Variants in CCDC171 observed in about 807,000 individuals in gnomAD.
CCDC171 encodes the protein coiled-coil domain containing 171.
CCDC171 carries 177 observed loss-of-function variants against 168.2 expected under a neutral mutation model. The observed-to-expected ratio is 1.05, with a 90% CI of 0.93 to 1.19. The LOEUF is 1.19. CCDC171 is among the 50% of genes most tolerant of loss of function. The pLI, the probability that CCDC171 is intolerant of heterozygous loss-of-function variation, is 0.00. For synonymous variants in CCDC171, 687 were observed against 540.8 expected, an observed-to-expected ratio of 1.27 and a Z score of -3.75; for missense variants, 1,991 against 1,539.0, an observed-to-expected ratio of 1.29 and a Z score of -4.91.
At chr9:15,785,817 G>A (rs1302723702) in intron 21 of CCDC171, among the ~76,000 whole-genome samples, 1 of 151,894 alleles carries the variant, frequency 6.6e-6, no homozygotes, top group Non-Finnish European at 1.5e-5. Flanking sequence ...GCCAGGCTCT[G>A]TGTTACTGTC....
chr9:15,989,142 G>GC (rs1393785002), intron 3 of CCDC171, among the ~76,000 whole-genome samples: 1 of 152,128 alleles, frequency 6.6e-6, no homozygotes, highest in Non-Finnish European at 1.5e-5. Context: ...CAAGTGGGTC[G>GC]CTGACCCCCG....
chr9:15,960,368 T>C (rs1388530942), intron 25 of CCDC171, among the ~76,000 whole-genome samples: 1 of 152,104 alleles, frequency 6.6e-6, no homozygotes, highest in Non-Finnish European at 1.5e-5. Context: ...TTGATAGATA[T>C]TTACTGAAAA....
chr9:15,868,459 T>C (rs114496289), intron 23 of CCDC171, among the ~76,000 whole-genome samples: 416 of 150,698 alleles, frequency 2.8e-3, no homozygotes, highest in African/African-American at 9.1e-3. Flanking sequence ...TGTTTCTTAG[T>C]GTAATAATTG....
At chr9:16,081,111 C>T in the CCDC171 span, among the ~76,000 whole-genome samples, 9 of 152,316 alleles carry the variant, frequency 5.9e-5, no homozygotes, top group East Asian at 1.9e-4. Flanking sequence ...AGTTCAGACA[C>T]GCCATCAGAG....
At chr9:15,631,040 A>G (rs1422004457) in intron 7 of CCDC171, among the ~76,000 whole-genome samples, 1 of 152,098 alleles carries the variant, frequency 6.6e-6, no homozygotes, top group Non-Finnish European at 1.5e-5. Flanking sequence ...AGGGAAATTT[A>G]TAGCACTAAA....
At chr9:16,103,654 G>T in the CCDC171 span, among the ~76,000 whole-genome samples, 1 of 152,138 alleles carries the variant, frequency 6.6e-6, no homozygotes, top group African/African-American at 2.4e-5. Context: ...GGGCTCCTGC[G>T]CTGCTGCCGG....
chr9:15,640,757 A>G (rs535929823), intron 7 of CCDC171, among the ~76,000 whole-genome samples: 1 of 152,292 alleles, frequency 6.6e-6, no homozygotes, highest in East Asian at 1.9e-4. Flanking sequence ...ACCCTTCAAT[A>G]TATGACTCTA....
chr9:15,869,377 C>A lies in CCDC171; in HGVS notation c.3469-5155C>A, dbSNP rs572358364. Among the ~76,000 whole-genome samples, 4 of 152,002 alleles carry A rather than the reference C, an allele frequency of 2.6e-5. No homozygotes were observed. In the South Asian group the frequency reaches 8.3e-4, roughly 32 times the overall value. On this transcript the variant is annotated intron_variant, in intron 23 of 25. Coordinates refer to ENST00000380701, the MANE Select transcript of CCDC171 (RefSeq NM_173550.4). ...CACACTTTGATGCTTCCTCCTATCA[C>A]TGGGTACATATCAGAGTCTTGGAAC...
At chr9:16,001,595 G>A (rs574743178) in intron 3 of CCDC171, among the ~76,000 whole-genome samples, 14 of 152,144 alleles carry the variant, frequency 9.2e-5, no homozygotes, top group East Asian at 3.9e-4. Context: ...ACCATGAACC[G>A]CATATATGAT....
chr9:15,772,429 T>C (rs2057062814), intron 18 of CCDC171, among the ~76,000 whole-genome samples: 1 of 152,172 alleles, frequency 6.6e-6, no homozygotes, highest in Non-Finnish European at 1.5e-5. Context: ...AACATCTTAC[T>C]ATAGTGTTTG....
intron 23 of CCDC171, among the ~76,000 whole-genome samples, chr9:15,853,335 A>G (rs1049166911): frequency 6.6e-5 from 10 of 151,666 alleles, no homozygotes; most frequent in Admixed American, 1.3e-4. Flanking sequence ...ATAATTTGCA[A>G]TGCTATTTTA....
chr9:16,042,815 G>A (rs979693894), exon 1 of CCDC171: 5 of 152,032 alleles, frequency 3.3e-5, no homozygotes, highest in African/African-American at 4.8e-5. Flanking sequence ...AAGAAGATGA[G>A]GGAAAATAAA....
chr9:16,016,303 C>T (rs2133005665), intron 3 of CCDC171, among the ~76,000 whole-genome samples: 1 of 152,274 alleles, frequency 6.6e-6, no homozygotes, highest in Non-Finnish European at 1.5e-5. Context: ...AGACTTCTAT[C>T]TGGAAGGGTT....
intron 13 of CCDC171, 56 bp from the exon 14 acceptor site, chr9:15,724,720 C>T: frequency 8.6e-7 from 1 of 1,159,490 alleles, no homozygotes; most frequent in Non-Finnish European, 1.3e-6. Flanking sequence ...ACTAGTGTCC[C>T]CTCACCCCTT....
At chr9:15,622,835 G>A (rs774590480) in intron 6 of CCDC171, among the ~76,000 whole-genome samples, 6 of 152,244 alleles carry the variant, frequency 3.9e-5, no homozygotes, top group Admixed American at 1.3e-4. Flanking sequence ...TGTAATTTAA[G>A]TACCGTGAGC....
intron 11 of CCDC171, among the ~76,000 whole-genome samples, chr9:15,718,667 C>G (rs1414339632): frequency 6.6e-6 from 1 of 152,216 alleles, no homozygotes; most frequent in Non-Finnish European, 1.5e-5. Context: ...CAACAAGAGT[C>G]TCTATGTAGT....
At chr9:15,645,596 G>C (rs889224427) in intron 7 of CCDC171, among the ~76,000 whole-genome samples, 3 of 152,188 alleles carry the variant, frequency 2.0e-5, no homozygotes, top group Admixed American at 1.3e-4. Context: ...ACTACGTGAT[G>C]CATGCACAAG....
chr9:16,072,438 A>G, the CCDC171 span, among the ~76,000 whole-genome samples: 1 of 152,118 alleles, frequency 6.6e-6, no homozygotes, highest in African/African-American at 2.4e-5. Context: ...ACCTTTTCCA[A>G]ATGACCTCTG....
chr9:15,769,518 A>G (rs1475985277), intron 18 of CCDC171, among the ~76,000 whole-genome samples: 2 of 152,258 alleles, frequency 1.3e-5, no homozygotes, highest in African/African-American at 4.8e-5. Flanking sequence ...TGGTAACGAT[A>G]GACCATGATA....
Sources: gnomAD v4.1 joint callset for allele counts (sites outside exome capture counted in the v4.1 genomes callset) on GRCh38, gnomAD v4.1.1 for gene constraint, MANE v1.5 for transcripts, NCBI Gene and HGNC (gene_info 2026-07-23, HGNC 2026-07-21) for gene names.